Variants in MGRN1 observed in about 807,000 individuals in gnomAD.
MGRN1 encodes mahogunin ring finger 1.
A neutral mutation model predicts 69.2 loss-of-function variants in MGRN1; 29 were observed. The ratio of observed to expected loss-of-function variants is 0.42; its 90% CI spans 0.31 to 0.57. The LOEUF is 0.57. MGRN1 is among the 20% of genes least tolerant of loss of function. MGRN1 has a pLI of 0.15. For synonymous variants in MGRN1, 470 were observed against 344.2 expected, an observed-to-expected ratio of 1.37 and a Z score of -4.04; for missense variants, 998 against 796.2, an observed-to-expected ratio of 1.25 and a Z score of -3.05.
intron 10 of MGRN1, among the ~76,000 whole-genome samples, chr16:4,674,588 TTTC>T (rs1471304112): frequency 1.3e-4 from 18 of 136,072 alleles, no homozygotes; most frequent in African/African-American, 4.7e-4. Flanking sequence ...CTTTTTTTTT[TTTC>T]TTTTCTTTTC....
chr16:4,681,273 G>C, intron 12 of MGRN1: 2 of 470,244 alleles, frequency 4.3e-6, no homozygotes, highest in Non-Finnish European at 7.6e-6. Context: ...GCCAGGGAGG[G>C]GCTGGTTGAG....
intron 5 of MGRN1, among the ~76,000 whole-genome samples, chr16:4,660,193 T>C (rs922460576): frequency 1.2e-4 from 18 of 152,240 alleles, no homozygotes; most frequent in African/African-American, 3.9e-4. Context: ...GGGGGCCCAC[T>C]TTCGTTCTGC....
At chr16:4,647,200 A>G (rs560837597) in intron 1 of MGRN1, among the ~76,000 whole-genome samples, 6 of 152,300 alleles carry the variant, frequency 3.9e-5, no homozygotes, top group Non-Finnish European at 8.8e-5. Context: ...CATGGTGCAC[A>G]TCTTGGAGGA....
chr16:4,662,044 T>A (rs2078694203), intron 5 of MGRN1, among the ~76,000 whole-genome samples: 1 of 152,190 alleles, frequency 6.6e-6, no homozygotes, highest in South Asian at 2.1e-4. Flanking sequence ...CATGTCCACA[T>A]AGCCTCCCTG....
chr16:4,654,555 G>A (rs563600094), intron 4 of MGRN1, among the ~76,000 whole-genome samples: 21 of 152,320 alleles, frequency 1.4e-4, no homozygotes, highest in Admixed American at 4.6e-4. Context: ...GGAGCACACC[G>A]CTCAGTGGTC....
chr16:4,626,274 C>G (rs181827402), intron 1 of MGRN1, among the ~76,000 whole-genome samples: 1 of 152,220 alleles, frequency 6.6e-6, no homozygotes, highest in Non-Finnish European at 1.5e-5. Context: ...GAGAGCACAG[C>G]TGTATCCCAG....
chr16:4,666,465 G>C (rs866007575), intron 7 of MGRN1, among the ~76,000 whole-genome samples: 8 of 152,318 alleles, frequency 5.3e-5, no homozygotes, highest in Non-Finnish European at 7.3e-5. Context: ...GGAGTGTGTT[G>C]AGGGAGAACA....
chr16:4,660,139 C>T (rs764066835), intron 5 of MGRN1, among the ~76,000 whole-genome samples: 1 of 152,258 alleles, frequency 6.6e-6, no homozygotes, highest in East Asian at 1.9e-4. Flanking sequence ...AGCATGGCTG[C>T]ACTGGCCTTG....
rs1567251653 is a variant in MGRN1, at chr16:4,688,991, C to T, written c.*83C>T. The stretch of plus-strand genomic sequence containing the variant: ...TGCTCCGGACCCCGTTGTGAGCCGG[C>T]CTCCTGTCTGCATGCCCCCTGTGGC... On this transcript the variant is annotated 3_prime_UTR_variant, in exon 17 of 17. Coordinates refer to ENST00000262370, the MANE Select transcript of MGRN1 (RefSeq NM_015246.4). 2.1e-5 allele frequency: 30 copies of T among 1,449,714 alleles called. No individual in the cohort carries two copies. Among genetic ancestry groups the T allele is most frequent in the Admixed American group, 5.0e-5 (2 of 40,162 alleles). 89.8% of individuals were successfully genotyped at this position (1,449,714 alleles called of 1,614,324 possible).
rs181147262 is a variant in MGRN1, at chr16:4,657,345, G to C, written c.543G>C (p.Ser181=). ...FSLPSFKIDF[S]EWKDDELNFD... ...TGCCCTCCTTCAAGATTGACTTCTC[G>C]GAATGGAAGGATGACGAGGTAATGC... The change falls in exon 5 of 17, where the codon TCG becomes TCC. Residue 181 remains serine, a synonymous_variant. Coordinates refer to ENST00000262370, the MANE Select transcript of MGRN1 (RefSeq NM_015246.4). 3 of 1,613,888 alleles carry C rather than the reference G, an allele frequency of 1.9e-6. No individual in the cohort carries two copies. The highest frequency in any genetic ancestry group is 1.7e-6 in the Non-Finnish European group (2 of 1,179,898).
In MGRN1 at chr16:4,652,033, A is replaced by G; in HGVS notation, c.278A>G (p.Asp93Gly). 6.2e-7 allele frequency: 1 copy of G among 1,613,606 alleles called. No homozygotes were observed. The highest frequency in any genetic ancestry group is 8.5e-7 in the Non-Finnish European group (1 of 1,179,870). Residue 93 changes from aspartate (D) to glycine (G), a missense_variant, in exon 3 of 17, where the codon GAC (aspartate) becomes GGC (glycine). Transcript: ENST00000262370. The part of the protein sequence containing the change: ...TLRSLVNIRK[D>G]SLRLVRYKDD... Reference sequence around the variant, plus strand: ...CGGAGCCTGGTGAACATCCGCAAAGACTCCCTGCGGCTGGTGAGGTAACTT... The same window carrying G: ...CGGAGCCTGGTGAACATCCGCAAAGGCTCCCTGCGGCTGGTGAGGTAACTT...
intron 1 of MGRN1, among the ~76,000 whole-genome samples, chr16:4,632,278 A>C (rs1222426852): frequency 6.8e-6 from 1 of 147,500 alleles, no homozygotes; most frequent in East Asian, 2.0e-4. Flanking sequence ...CCTCCGGAAG[A>C]GCTGGTATTA....
Position 4,689,044 on chromosome 16 carries a change from T to G in MGRN1, c.*136T>G, listed in dbSNP as rs1213628520. 1.6e-6 allele frequency: 2 copies of G among 1,235,846 alleles called. No homozygotes were observed. The highest frequency in any genetic ancestry group is 3.0e-5 in the African/African-American group (2 of 65,702). The allele number at this position is 1,235,846 out of a possible 1,614,324, so 76.6% of individuals were successfully genotyped here. ...CCAGGCTCCGAGGGGCCGTGGTGAC[T>G]CTTGATCAAAGAGCACAGTGAACTG... On this transcript the variant is annotated 3_prime_UTR_variant, in exon 17 of 17. Transcript: ENST00000262370.
At chr16:4,629,147 C>CATATGT (rs1555445254) in intron 1 of MGRN1, among the ~76,000 whole-genome samples, 5 of 48,652 alleles carry the variant, frequency 1.0e-4, no homozygotes, top group Non-Finnish European at 2.2e-4. Flanking sequence ...GCTTTCTGTT[C>CATATGT]GTATGTGTGT....
intron 9 of MGRN1, among the ~76,000 whole-genome samples, chr16:4,671,760 C>G (rs911645693): frequency 6.6e-6 from 1 of 152,092 alleles, no homozygotes; most frequent in Non-Finnish European, 1.5e-5. Flanking sequence ...CTGCCCGGCT[C>G]CTGCCCGCCT....
chr16:4,659,144 C>T (rs1050702742), intron 5 of MGRN1: 1 of 148,892 alleles, frequency 6.7e-6, no homozygotes, highest in Admixed American at 6.8e-5. Flanking sequence ...TAGCGAGACT[C>T]CATTTCTTAG....
chr16:4,658,392 C>A (rs993115579), intron 5 of MGRN1, among the ~76,000 whole-genome samples: 1 of 151,954 alleles, frequency 6.6e-6, no homozygotes, highest in Non-Finnish European at 1.5e-5. Flanking sequence ...AAAAATTACC[C>A]GGGTGTGGTG....
chr16:4,650,341 A>C, intron 1 of MGRN1, 24 bp from the exon 2 acceptor site: 1 of 1,550,224 alleles, frequency 6.5e-7, no homozygotes, highest in Non-Finnish European at 8.8e-7. Flanking sequence ...AAAAATCTAT[A>C]ATCGTGTTTC....
At chr16:4,627,927 A>T (rs1250721089) in intron 1 of MGRN1, among the ~76,000 whole-genome samples, 1 of 149,946 alleles carries the variant, frequency 6.7e-6, no homozygotes, top group African/African-American at 2.5e-5. Flanking sequence ...AAAAATACAA[A>T]AAATTAGCTG....
Sources: allele counts gnomAD v4.1 joint callset (sites outside exome capture counted in the v4.1 genomes callset), GRCh38; gene constraint gnomAD v4.1.1; transcripts MANE v1.5; gene names NCBI Gene and HGNC (gene_info 2026-07-23, HGNC 2026-07-21).